Variants in ANKFN1 observed in about 807,000 individuals in gnomAD.
The protein encoded by ANKFN1 is ankyrin repeat and fibronectin type III domain containing 1.
Under a neutral mutation model 108.7 loss-of-function variants are expected in ANKFN1, and 74 were observed. That is an observed-to-expected ratio of 0.68 (90% CI 0.56 to 0.83). ANKFN1 has a LOEUF of 0.83. Ranked by LOEUF, ANKFN1 falls within the 40% of genes least tolerant of loss-of-function variation. ANKFN1 has a pLI of 0.00. For synonymous variants in ANKFN1, 547 were observed against 516.2 expected (o/e 1.06, Z -0.81); for missense variants, 1,505 against 1,382.3 (o/e 1.09, Z -1.41).
At chr17:56,509,037 A>T (rs1373092543) in intron 20 of ANKFN1, among the ~76,000 whole-genome samples, 1 of 152,226 alleles carries the variant, frequency 6.6e-6, no homozygotes, top group African/African-American at 2.4e-5. Flanking sequence ...CCTTGAACAG[A>T]TCAGTGGAGC....
chr17:56,370,064 G>T (rs1350400715), intron 6 of ANKFN1, among the ~76,000 whole-genome samples: 2 of 152,042 alleles, frequency 1.3e-5, no homozygotes, highest in East Asian at 3.8e-4. Flanking sequence ...CATTCATATT[G>T]TGTTTTTAGA....
intron 8 of ANKFN1, among the ~76,000 whole-genome samples, chr17:56,395,248 A>C (rs548396255): frequency 6.6e-6 from 1 of 152,350 alleles, no homozygotes; most frequent in East Asian, 1.9e-4. Context: ...TAAAGCACTT[A>C]GGGACTAACA....
chr17:56,358,814 C>T (rs1340596355), intron 6 of ANKFN1, among the ~76,000 whole-genome samples: 5 of 152,160 alleles, frequency 3.3e-5, no homozygotes, highest in African/African-American at 4.8e-5. Flanking sequence ...CGCTATGACT[C>T]ATGTTCAATT....
At chr17:56,338,858 C>A (rs1397906318) in intron 4 of ANKFN1, among the ~76,000 whole-genome samples, 4 of 151,828 alleles carry the variant, frequency 2.6e-5, no homozygotes, top group Non-Finnish European at 5.9e-5. Context: ...AATGGTAAAG[C>A]CTGAAGGGAC....
chr17:56,446,055 C>T (rs1323684081), intron 10 of ANKFN1, among the ~76,000 whole-genome samples: 4 of 152,202 alleles, frequency 2.6e-5, no homozygotes, highest in Non-Finnish European at 5.9e-5. Context: ...TTCCAAACAT[C>T]TATGAGAAAA....
intron 20 of ANKFN1, among the ~76,000 whole-genome samples, chr17:56,501,656 T>A (rs1363791402): frequency 6.6e-6 from 1 of 152,184 alleles, no homozygotes; most frequent in Non-Finnish European, 1.5e-5. Flanking sequence ...TTTGTTTACA[T>A]GTGAATGATG....
At chr17:56,365,808 G>A (rs187453202) in intron 6 of ANKFN1, among the ~76,000 whole-genome samples, 53 of 152,288 alleles carry the variant, frequency 3.5e-4, no homozygotes, top group African/African-American at 1.3e-3. Context: ...TCATATAAAA[G>A]TATGGCACAT....
chr17:56,351,820 G>A (rs1804247211), intron 5 of ANKFN1, among the ~76,000 whole-genome samples: 1 of 152,160 alleles, frequency 6.6e-6, no homozygotes, highest in South Asian at 2.1e-4. Flanking sequence ...ATATTAACAT[G>A]CTCAGCAAGG....
intron 3 of ANKFN1, among the ~76,000 whole-genome samples, chr17:56,317,691 G>A (rs924579034): frequency 1.8e-4 from 28 of 152,288 alleles, no homozygotes; most frequent in Admixed American, 1.8e-3. Context: ...GATGGGGCTT[G>A]GAATGTGGTG....
chr17:56,082,513 A>C lies in ANKFN1; in HGVS notation c.288+36188A>C, dbSNP rs72827499. On this transcript the variant is annotated intron_variant, in intron 4 of 12. Transcript: ENST00000635860. ...TTATATAAAATGAAAAGAGGTGTGC[A>C]TTCAGCCCACTGAGAGTAAGATTTG... 2.3e-4 allele frequency among the ~76,000 whole-genome samples: 35 copies of C among 152,204 alleles called. No individual in the cohort carries two copies. In the Middle Eastern group the frequency reaches 0.014, roughly 59 times the overall value.
In ANKFN1 at chr17:56,395,697, A is replaced by G. The variant is rs548604731; in HGVS notation, c.910+20983A>G. On this transcript the variant is annotated intron_variant, in intron 8 of 20. Coordinates refer to ENST00000682825, the MANE Select transcript of ANKFN1 (RefSeq NM_001370326.1). ...AACCCCACCTCTCTTAAAAATACAA[A>G]AATTAGCCAGGCATAGTGGTGCATG... Among the ~76,000 whole-genome samples, 23 of 152,154 alleles carry G rather than the reference A, an allele frequency of 1.5e-4. 1 individual carries two copies. In the South Asian group the frequency reaches 3.9e-3, roughly 26 times the overall value.
In ANKFN1 at chr17:56,512,607, A is replaced by G. The variant is rs762896969; in HGVS notation, c.*1338A>G. On this transcript the variant is annotated 3_prime_UTR_variant, in exon 21 of 21. Transcript: ENST00000682825. ...TCCTCATCTCCTGGAGCCAAGACCCATTCACTTCACTGACATTCTAAATGA... is the reference window on the plus strand; with the variant it reads ...TCCTCATCTCCTGGAGCCAAGACCCGTTCACTTCACTGACATTCTAAATGA... Among the ~76,000 whole-genome samples the G allele has an allele frequency of 6.6e-6, 1 of 152,224 alleles. No individual in the cohort carries two copies. Among genetic ancestry groups the G allele is most frequent in the Non-Finnish European group, 1.5e-5 (1 of 68,042 alleles).
chr17:56,310,274 A>C (rs1201326538), intron 3 of ANKFN1, among the ~76,000 whole-genome samples: 1 of 152,222 alleles, frequency 6.6e-6, no homozygotes, highest in Non-Finnish European at 1.5e-5. Flanking sequence ...GGATAACTGA[A>C]ACCACAGAAA....
At chr17:56,214,915 T>G (rs1915311391) in intron 2 of ANKFN1, among the ~76,000 whole-genome samples, 2 of 152,250 alleles carry the variant, frequency 1.3e-5, no homozygotes, top group Non-Finnish European at 2.9e-5. Flanking sequence ...CAATGTGTAC[T>G]GATATGTATA....
At chr17:56,382,679 C>G (rs954509804) in intron 8 of ANKFN1, among the ~76,000 whole-genome samples, 18 of 152,252 alleles carry the variant, frequency 1.2e-4, no homozygotes, top group African/African-American at 3.9e-4. Context: ...TGTTGCAATC[C>G]TAGTCTCTGA....
chr17:56,194,188 G>A (rs1414222461), intron 1 of ANKFN1, among the ~76,000 whole-genome samples: 3 of 152,190 alleles, frequency 2.0e-5, no homozygotes, highest in South Asian at 2.1e-4. Context: ...GCAAGCCATC[G>A]TGGAAGACAG....
At chr17:56,424,943 G>C (rs919670860) in intron 8 of ANKFN1, among the ~76,000 whole-genome samples, 1 of 152,040 alleles carries the variant, frequency 6.6e-6, no homozygotes, top group Admixed American at 6.6e-5. Context: ...AATTGAGATG[G>C]TGACAGCTAC....
At chr17:56,155,123 A>G (rs1908982770) in intron 1 of ANKFN1, among the ~76,000 whole-genome samples, 1 of 152,214 alleles carries the variant, frequency 6.6e-6, no homozygotes, top group East Asian at 1.9e-4. Context: ...CATGGCAGAC[A>G]GAGGAGGAAG....
intron 3 of ANKFN1, among the ~76,000 whole-genome samples, chr17:56,304,553 T>A (rs1038552255): frequency 1.3e-5 from 2 of 152,074 alleles, no homozygotes; most frequent in South Asian, 2.1e-4. Flanking sequence ...TGCTTAGTTT[T>A]AAAAAAAATC....
Sources: gnomAD v4.1 joint callset for allele counts (sites outside exome capture counted in the v4.1 genomes callset) on GRCh38, gnomAD v4.1.1 for gene constraint, MANE v1.5 for transcripts, NCBI Gene and HGNC (gene_info 2026-07-23, HGNC 2026-07-21) for gene names.